GOLGA1: variants seen among roughly 807,000 people sequenced by gnomAD.
The protein encoded by GOLGA1 is golgin A1.
Under a neutral mutation model 119.7 loss-of-function variants are expected in GOLGA1, and 63 were observed. The ratio of observed to expected loss-of-function variants is 0.53; its 90% CI spans 0.43 to 0.65. GOLGA1 has a LOEUF of 0.65. GOLGA1 is among the 30% of genes least tolerant of loss of function. GOLGA1 has a pLI of 0.00. For synonymous variants in GOLGA1, 318 were observed against 333.4 expected, an observed-to-expected ratio of 0.95 and a Z score of 0.50; for missense variants, 798 against 912.8, an observed-to-expected ratio of 0.87 and a Z score of 1.62.
At chr9:124,947,499 T>C (rs1251633683) in intron 1 of GOLGA1, 1 of 152,186 alleles carries the variant, frequency 6.6e-6, no homozygotes, top group Non-Finnish European at 1.5e-5. Context: ...ATGAATGAGA[T>C]ACAGCCACAA....
upstream of GOLGA1, among the ~76,000 whole-genome samples, chr9:124,942,319 CTCG>C (rs1831061217): frequency 6.6e-6 from 1 of 152,200 alleles, no homozygotes; most frequent in Non-Finnish European, 1.5e-5. Flanking sequence ...GGTCCCTGAA[CTCG>C]TCAATGCCAA....
chr9:124,916,066 C>T (rs1830436233), intron 10 of GOLGA1, among the ~76,000 whole-genome samples: 2 of 151,684 alleles, frequency 1.3e-5, no homozygotes, highest in African/African-American at 2.4e-5. Flanking sequence ...CACACCACTG[C>T]ACTCCAGCCT....
chr9:124,924,333 A>G (rs1045202924), intron 7 of GOLGA1, among the ~76,000 whole-genome samples: 3 of 152,208 alleles, frequency 2.0e-5, no homozygotes, highest in African/African-American at 7.2e-5. Context: ...GCAGGTTACA[A>G]TTTATTAAAT....
At chr9:124,919,992 G>A (rs1385911330) in intron 10 of GOLGA1, among the ~76,000 whole-genome samples, 3 of 151,600 alleles carry the variant, frequency 2.0e-5, no homozygotes, top group Admixed American at 2.0e-4. Context: ...GTCTCTCTCT[G>A]TCACCCAGGC....
chr9:124,942,482 A>G (rs1244768526), upstream of GOLGA1: 1 of 152,192 alleles, frequency 6.6e-6, no homozygotes, highest in Non-Finnish European at 1.5e-5. Context: ...AAAAACCAAA[A>G]CCAGGATTCA....
In GOLGA1 at chr9:124,923,234, G is replaced by A; in HGVS notation, c.433-11C>T. On this transcript the variant is annotated splice_polypyrimidine_tract_variant and intron_variant, in intron 7 of 22. Transcript: ENST00000373555. Reference sequence around the variant, plus strand: ...CAGAATATTTTTCTCCTATTTGAAAGAAGAAGACATCAACTCAGGCAACGA... The same window carrying A: ...CAGAATATTTTTCTCCTATTTGAAAAAAGAAGACATCAACTCAGGCAACGA... 6.3e-7 allele frequency: 1 copy of A among 1,576,742 alleles called. No individual in the cohort carries two copies. The highest frequency in any genetic ancestry group is 1.7e-4 in the Middle Eastern group (1 of 5,970).
chr9:124,920,392 C>T (rs1177108580), intron 10 of GOLGA1, among the ~76,000 whole-genome samples: 2 of 151,770 alleles, frequency 1.3e-5, no homozygotes, highest in Admixed American at 1.3e-4. Flanking sequence ...AGTCACTGTG[C>T]TGGGCCTGAG....
At chr9:124,923,016 AATTAGAGAGTGATGAC>A in intron 8 of GOLGA1, 63 bp downstream of exon 8, 1 of 873,090 alleles carries the variant, frequency 1.1e-6, no homozygotes, top group Non-Finnish European at 1.9e-6. Context: ...GTTTATCAGC[AATTAGAGAGTGATGAC>A]TAGTAAAATC....
At chr9:124,912,569 G>C (rs569247766) in intron 10 of GOLGA1, among the ~76,000 whole-genome samples, 1 of 152,280 alleles carries the variant, frequency 6.6e-6, no homozygotes, top group African/African-American at 2.4e-5. Flanking sequence ...TTGAGACGGA[G>C]TGTCGCTCTG....
chr9:124,885,977 G>T (rs530520694), intron 19 of GOLGA1, among the ~76,000 whole-genome samples: 2 of 152,326 alleles, frequency 1.3e-5, no homozygotes, highest in South Asian at 4.1e-4. Context: ...ATGTGTGAAG[G>T]GGGTGCTGAA....
intron 12 of GOLGA1, among the ~76,000 whole-genome samples, chr9:124,901,724 C>T (rs1399149279): frequency 2.6e-5 from 4 of 152,160 alleles, no homozygotes; most frequent in African/African-American, 9.7e-5. Flanking sequence ...CATGAGCCAC[C>T]GCACCTGGTT....
Position 124,889,224 on chromosome 9 carries a change from A to C in GOLGA1, c.1680T>G (p.Ala560=). Residue 560 remains alanine, a synonymous_variant, in exon 18 of 23, where the codon GCT becomes GCG. Coordinates refer to ENST00000373555, the MANE Select transcript of GOLGA1 (RefSeq NM_002077.4). ...EALRTLKAEE[A]AVVAEQEDLL... ...GGTCCTCCTGCTCCGCGACCACTGCAGCCTCCTCCGCCTTGAGGGTCCTCA... is the reference window on the plus strand; with the variant it reads ...GGTCCTCCTGCTCCGCGACCACTGCCGCCTCCTCCGCCTTGAGGGTCCTCA... The C allele has an allele frequency of 6.2e-7, 1 of 1,613,500 alleles. No homozygotes were observed. Among genetic ancestry groups the C allele is most frequent in the African/African-American group, 1.3e-5 (1 of 75,024 alleles).
intron 11 of GOLGA1, among the ~76,000 whole-genome samples, chr9:124,910,956 T>C (rs1564334919): frequency 6.6e-6 from 1 of 152,072 alleles, no homozygotes; most frequent in Non-Finnish European, 1.5e-5. Context: ...GCCAAAACGG[T>C]TGGGAACTGC....
chr9:124,911,798 G>T, intron 11 of GOLGA1, 103 bp downstream of exon 11: 2 of 969,138 alleles, frequency 2.1e-6, no homozygotes, highest in Non-Finnish European at 3.1e-6. Flanking sequence ...TTGTTACCAT[G>T]CTGTTTGCTG....
chr9:124,882,389 C>T lies in GOLGA1; in HGVS notation c.1965+121G>A. 4.2e-6 allele frequency: 3 copies of T among 719,938 alleles called. No individual in the cohort carries two copies. In the South Asian group the frequency reaches 4.9e-5, roughly 12 times the overall value. The allele number at this position is 719,938 out of a possible 1,614,324, so 44.6% of individuals were successfully genotyped here. ...GCTAACGTTGGATTGCCCAGCGATCCCTTGCAATTAATTAGGGGGTGGAGG... is the reference window on the plus strand; with the variant it reads ...GCTAACGTTGGATTGCCCAGCGATCTCTTGCAATTAATTAGGGGGTGGAGG... On this transcript the variant is annotated intron_variant, in intron 20 of 22. Transcript: ENST00000373555.
chr9:124,929,806 G>C lies in GOLGA1; in HGVS notation c.227-516C>G, dbSNP rs1289811493. Among the ~76,000 whole-genome samples, 4 of 152,064 alleles carry C rather than the reference G, an allele frequency of 2.6e-5. No homozygotes were observed. In the East Asian group the frequency reaches 5.8e-4, roughly 22 times the overall value. ...AAAAGTGAGCTCCCTTTCTACACAG[G>C]AACTTGGTAACCTACGCTACATTAA... On this transcript the variant is annotated intron_variant, in intron 4 of 22. Coordinates refer to ENST00000373555, the MANE Select transcript of GOLGA1 (RefSeq NM_002077.4).
intron 15 of GOLGA1, among the ~76,000 whole-genome samples, chr9:124,893,692 C>A (rs1394754387): frequency 6.6e-6 from 1 of 152,168 alleles, no homozygotes; most frequent in Non-Finnish European, 1.5e-5. Context: ...AGGCTGGATC[C>A]AAGCTTTAAT....
At chr9:124,896,141 T>A (rs1055022721) in intron 15 of GOLGA1, among the ~76,000 whole-genome samples, 5 of 152,176 alleles carry the variant, frequency 3.3e-5, no homozygotes, top group Non-Finnish European at 7.3e-5. Context: ...AGGCAGGGCA[T>A]GGTGGCTCAC....
At chr9:124,924,136 G>T (rs546179897) in intron 7 of GOLGA1, among the ~76,000 whole-genome samples, 1 of 152,158 alleles carries the variant, frequency 6.6e-6, no homozygotes, top group Non-Finnish European at 1.5e-5. Context: ...GATTACAGGC[G>T]TAAGCCACTG....
Sources: gnomAD v4.1 joint callset for allele counts (sites outside exome capture counted in the v4.1 genomes callset) on GRCh38, gnomAD v4.1.1 for gene constraint, MANE v1.5 for transcripts, NCBI Gene and HGNC (gene_info 2026-07-23, HGNC 2026-07-21) for gene names.